Variants in ATP8A1 observed in about 807,000 individuals in gnomAD.
ATP8A1 encodes the protein phospholipid-transporting ATPase IA.
Under a neutral mutation model 177.7 loss-of-function variants are expected in ATP8A1, and 90 were observed. That is an observed-to-expected ratio of 0.51 (90% CI 0.43 to 0.60). The LOEUF (loss-of-function observed/expected upper bound fraction) is 0.60. Ranked by LOEUF, ATP8A1 falls within the 20% of genes least tolerant of loss-of-function variation. The probability of loss-of-function intolerance (pLI) is 0.00; values close to 1 mark genes in which losing one functional copy is unlikely to be tolerated. For missense variants in ATP8A1, 1,072 were observed against 1,392.8 expected (o/e 0.77, Z 3.67); for synonymous variants, 493 against 485.9 (o/e 1.01, Z -0.19).
intron 5 of ATP8A1, among the ~76,000 whole-genome samples, chr4:42,609,522 C>T (rs1736162104): frequency 6.6e-6 from 1 of 152,180 alleles, no homozygotes; most frequent in Non-Finnish European, 1.5e-5. Context: ...CATTCCACAA[C>T]TCCTTGCGAT....
intron 6 of ATP8A1, 124 bp from the exon 7 acceptor site, chr4:42,591,008 A>T: frequency 1.2e-6 from 1 of 844,252 alleles, no homozygotes; most frequent in Non-Finnish European, 1.8e-6. Flanking sequence ...ATACATGTTA[A>T]TAAAAACATC....
intron 22 of ATP8A1, among the ~76,000 whole-genome samples, chr4:42,519,605 G>A (rs1725902217): frequency 6.6e-6 from 1 of 152,154 alleles, no homozygotes; most frequent in South Asian, 2.1e-4. Context: ...ATTTGCTTGT[G>A]CATGAGCATG....
chr4:42,472,225 A>T (rs1033940855), intron 25 of ATP8A1: 11 of 587,154 alleles, frequency 1.9e-5, no homozygotes, highest in Non-Finnish European at 3.3e-5. Flanking sequence ...GGGCAAGAGA[A>T]TCTGTGTGAA....
chr4:42,569,121 TTA>T, intron 15 of ATP8A1, 38 bp downstream of exon 15: 1 of 1,500,852 alleles, frequency 6.7e-7, no homozygotes. Flanking sequence ...TGCAAACCTT[TTA>T]TAGGGATCAA....
At chr4:42,496,811 CA>C (rs200915174) in intron 24 of ATP8A1, among the ~76,000 whole-genome samples, 44 of 148,114 alleles carry the variant, frequency 3.0e-4, no homozygotes, top group Non-Finnish European at 5.2e-4. Context: ...TACCCCCCCC[CA>C]CACATATATA....
At chr4:42,560,483 C>A (rs2153214888) in intron 15 of ATP8A1, among the ~76,000 whole-genome samples, 1 of 152,086 alleles carries the variant, frequency 6.6e-6, no homozygotes. Flanking sequence ...TACACTCATG[C>A]ACACACGAAA....
chr4:42,553,461 C>T (rs1277101016), intron 16 of ATP8A1, among the ~76,000 whole-genome samples: 1 of 152,152 alleles, frequency 6.6e-6, no homozygotes. Flanking sequence ...GGGACTCTTA[C>T]AGCCTGAGAA....
At position 42,412,936 on chromosome 4, in the gene ATP8A1, G is replaced by A. The variant is rs1350660588; in HGVS notation, c.3475C>T (p.Gln1159Ter). The A allele has an allele frequency of 3.7e-6, 6 of 1,613,452 alleles. No individual in the cohort carries two copies. Among genetic ancestry groups the A allele is most frequent in the Non-Finnish European group, 5.1e-6 (6 of 1,179,588 alleles). Reference sequence around the variant, plus strand: ...CCCCATCACCATTCGTCGGGCCTCTGTTTCGTGGTATCATATGCTCTTATC... The same window carrying A: ...CCCCATCACCATTCGTCGGGCCTCTATTTCGTGGTATCATATGCTCTTATC... Reference protein sequence around the residue: ...EVIRAYDTTKQRPDEW With the variant: ...EVIRAYDTTK The change falls in exon 37 of 37, where the codon CAG becomes TAG. Residue 1159 changes from glutamine to a stop codon, truncating the protein, a stop_gained. Coordinates refer to ENST00000381668, the MANE Select transcript of ATP8A1 (RefSeq NM_006095.2). LOFTEE classifies it high-confidence loss of function.
chr4:42,492,048 T>A (rs1414239405), intron 24 of ATP8A1, among the ~76,000 whole-genome samples: 1 of 152,188 alleles, frequency 6.6e-6, no homozygotes, highest in Non-Finnish European at 1.5e-5. Flanking sequence ...TGCAATTACT[T>A]ATTTGTGGCT....
At chr4:42,523,187 C>T (rs1726320258) in intron 21 of ATP8A1, among the ~76,000 whole-genome samples, 2 of 152,184 alleles carry the variant, frequency 1.3e-5, no homozygotes, top group Non-Finnish European at 2.9e-5. Flanking sequence ...GTGACCCACC[C>T]TGTGTCTGGT....
At chr4:42,423,514 C>T (rs1714232859) in intron 34 of ATP8A1, 103 bp downstream of exon 34, 3 of 679,524 alleles carry the variant, frequency 4.4e-6, no homozygotes, top group African/African-American at 1.8e-5. Flanking sequence ...TTACCAGTCC[C>T]TATCCTGCAA....
intron 20 of ATP8A1, among the ~76,000 whole-genome samples, chr4:42,540,399 T>C (rs906446021): frequency 2.6e-5 from 4 of 151,922 alleles, no homozygotes; most frequent in African/African-American, 9.7e-5. Flanking sequence ...AGAATTACCA[T>C]TCAATCCAGC....
Position 42,656,883 on chromosome 4 carries a change from G to A in ATP8A1, c.-10C>T. On this transcript the variant is annotated 5_prime_UTR_variant, in exon 1 of 37. Transcript: ENST00000381668. ...TCCGCATGGTGGGCATCGCGGCGGCGGCTGCAGGTGGGTCCTCAGCCCGGA... is the reference window on the plus strand; with the variant it reads ...TCCGCATGGTGGGCATCGCGGCGGCAGCTGCAGGTGGGTCCTCAGCCCGGA... 1 of 1,580,556 alleles carries A rather than the reference G, an allele frequency of 6.3e-7. No homozygotes were observed. The highest frequency in any genetic ancestry group is 8.6e-7 in the Non-Finnish European group (1 of 1,163,664).
chr4:42,465,043 C>T lies in ATP8A1; in HGVS notation c.2358G>A (p.Glu786=). The change falls in exon 26 of 37, where the codon GAG becomes GAA. Residue 786 remains glutamate (E), a synonymous_variant. Transcript: ENST00000381668. ...CGACTTTGACTTGTTTCTTAACCAT[C>T]TCAACAACTTCAGATTTTTGAAGAG... ...VSPLQKSEVV[E]MVKKQVKVVT... 1 of 1,613,802 alleles carries T rather than the reference C, an allele frequency of 6.2e-7. No individual in the cohort carries two copies. The highest frequency in any genetic ancestry group is 8.5e-7 in the Non-Finnish European group (1 of 1,179,842).
chr4:42,608,423 G>A (rs959161362), intron 5 of ATP8A1, among the ~76,000 whole-genome samples: 5 of 150,672 alleles, frequency 3.3e-5, no homozygotes, highest in Non-Finnish European at 5.9e-5. Flanking sequence ...GCAGTGGCAC[G>A]ATCTCGGCTC....
intron 20 of ATP8A1, among the ~76,000 whole-genome samples, chr4:42,540,932 C>T (rs928014560): frequency 4.6e-5 from 7 of 152,182 alleles, no homozygotes; most frequent in Middle Eastern, 3.4e-3. Flanking sequence ...AGCTGATGGA[C>T]ACTCTAAGTA....
intron 33 of ATP8A1, among the ~76,000 whole-genome samples, chr4:42,431,853 T>C (rs893919401): frequency 3.0e-4 from 45 of 152,364 alleles, no homozygotes; most frequent in African/African-American, 1.0e-3. Flanking sequence ...CAGTTAACTC[T>C]TTTGGTCTTC....
At chr4:42,568,649 T>C (rs1023768375) in intron 15 of ATP8A1, among the ~76,000 whole-genome samples, 5 of 152,218 alleles carry the variant, frequency 3.3e-5, no homozygotes, top group African/African-American at 4.8e-5. Flanking sequence ...CTTGGTAGCA[T>C]AGTTTTCTAA....
chr4:42,642,829 A>G (rs1005389846), intron 1 of ATP8A1, among the ~76,000 whole-genome samples: 1 of 152,196 alleles, frequency 6.6e-6, no homozygotes, highest in African/African-American at 2.4e-5. Flanking sequence ...ACTGCCATGC[A>G]AGGTGTGATG....
Sources: allele counts gnomAD v4.1 joint callset (sites outside exome capture counted in the v4.1 genomes callset), GRCh38; gene constraint gnomAD v4.1.1; transcripts MANE v1.5; gene names NCBI Gene and HGNC (gene_info 2026-07-23, HGNC 2026-07-21).